The following RASEF variants were observed in gnomAD, a reference collection of about 807,000 sequenced individuals.
The protein encoded by RASEF is RAS and EF-hand domain containing.
Under a neutral mutation model 90.1 loss-of-function variants are expected in RASEF, and 68 were observed. The ratio of observed to expected loss-of-function variants is 0.75; its 90% CI spans 0.62 to 0.92. RASEF has a LOEUF of 0.92. Among genes scored for constraint, RASEF ranks in the 40% least tolerant of loss-of-function variants. RASEF has a pLI of 0.00. For synonymous variants in RASEF, 331 were observed against 345.2 expected (o/e 0.96, Z 0.46); for missense variants, 949 against 937.2 (o/e 1.01, Z -0.16).
At position 82,982,633 on chromosome 9, in the gene RASEF, G is replaced by A; in HGVS notation, c.*44C>T. On this transcript the variant is annotated 3_prime_UTR_variant, in exon 17 of 17. Coordinates refer to ENST00000376447, the MANE Select transcript of RASEF (RefSeq NM_152573.4). ...GAGCCAAATAAGTCACACAAATTCAGTATTCTGGAAATGAAGACTTCACAG... is the reference window on the plus strand; with the variant it reads ...GAGCCAAATAAGTCACACAAATTCAATATTCTGGAAATGAAGACTTCACAG... 9.5e-7 allele frequency: 1 copy of A among 1,053,034 alleles called. No individual in the cohort carries two copies. Among genetic ancestry groups the A allele is most frequent in the Non-Finnish European group, 1.5e-6 (1 of 668,224 alleles). The allele number at this position is 1,053,034 out of a possible 1,614,324, so 65.2% of individuals were successfully genotyped here.
chr9:83,183,908 T>G, the RASEF span, among the ~76,000 whole-genome samples: 1 of 152,172 alleles, frequency 6.6e-6, no homozygotes, highest in Admixed American at 6.5e-5. Context: ...CAGCATGTAT[T>G]AGAATCACCT....
chr9:83,130,165 G>A, the RASEF span, among the ~76,000 whole-genome samples: 2 of 152,116 alleles, frequency 1.3e-5, no homozygotes, highest in African/African-American at 4.8e-5. Flanking sequence ...TTTTACCCCT[G>A]AATCTCAGAT....
chr9:83,100,265 A>C, the RASEF span, among the ~76,000 whole-genome samples: 1 of 152,228 alleles, frequency 6.6e-6, no homozygotes, highest in Non-Finnish European at 1.5e-5. Flanking sequence ...TAAAAAGAAA[A>C]AGAAATATAG....
At chr9:83,079,086 G>A in the RASEF span, among the ~76,000 whole-genome samples, 1 of 152,122 alleles carries the variant, frequency 6.6e-6, no homozygotes, top group Non-Finnish European at 1.5e-5. Context: ...TTTTGCTTTT[G>A]TCGCGATTGC....
the RASEF span, among the ~76,000 whole-genome samples, chr9:83,068,900 T>C: frequency 2.6e-5 from 4 of 152,368 alleles, no homozygotes; most frequent in Admixed American, 2.6e-4. Context: ...CACTGGAAAC[T>C]ATTTGTCATG....
the RASEF span, among the ~76,000 whole-genome samples, chr9:83,204,350 T>C: frequency 1.3e-5 from 2 of 152,174 alleles, no homozygotes; most frequent in African/African-American, 4.8e-5. Context: ...AACATTCAAA[T>C]GGGTATGTCA....
At chr9:83,089,142 T>C in the RASEF span, among the ~76,000 whole-genome samples, 1 of 152,044 alleles carries the variant, frequency 6.6e-6, no homozygotes, top group Non-Finnish European at 1.5e-5. Flanking sequence ...TTCAAATTAA[T>C]ACCAATTTAA....
the RASEF span, among the ~76,000 whole-genome samples, chr9:83,128,498 C>T: frequency 8.7e-4 from 127 of 145,552 alleles, no homozygotes; most frequent in African/African-American, 3.0e-3. Context: ...ACAAACCAAT[C>T]GGCATGCAGT....
the RASEF span, among the ~76,000 whole-genome samples, chr9:83,212,483 G>A: frequency 6.6e-6 from 1 of 152,216 alleles, no homozygotes; most frequent in Non-Finnish European, 1.5e-5. Flanking sequence ...TTACAATTAT[G>A]ATTTGCAATT....
intron 7 of RASEF, among the ~76,000 whole-genome samples, chr9:83,005,974 G>C (rs527768265): frequency 6.6e-6 from 1 of 152,226 alleles, no homozygotes; most frequent in South Asian, 2.1e-4. Flanking sequence ...AAACACTTGG[G>C]TGATGATCTC....
At chr9:83,032,073 C>T (rs945563940) in intron 1 of RASEF, among the ~76,000 whole-genome samples, 1 of 152,128 alleles carries the variant, frequency 6.6e-6, no homozygotes, top group Non-Finnish European at 1.5e-5. Context: ...CTGTGCCTCT[C>T]CTGGGCAGCT....
intron 13 of RASEF, 27 bp from the exon 14 acceptor site, chr9:82,997,153 G>T (rs368576979): frequency 1.5e-6 from 2 of 1,365,944 alleles, no homozygotes; most frequent in African/African-American, 2.9e-5. Flanking sequence ...CACATCATCA[G>T]TCAGTTTGTG....
chr9:82,990,261 T>C (rs1828788036), intron 16 of RASEF, 130 bp downstream of exon 16: 1 of 613,448 alleles, frequency 1.6e-6, no homozygotes, highest in South Asian at 2.3e-5. Context: ...CACATATTTA[T>C]TTCTCCCACC....
chr9:82,984,296 A>C (rs1043686900), intron 16 of RASEF, among the ~76,000 whole-genome samples: 2 of 152,216 alleles, frequency 1.3e-5, no homozygotes, highest in African/African-American at 4.8e-5. Flanking sequence ...GAAGGCCTTC[A>C]AAATCCAGTC....
At chr9:83,059,304 A>ACACACACACACG (rs10688490) in intron 1 of RASEF, among the ~76,000 whole-genome samples, 3 of 147,676 alleles carry the variant, frequency 2.0e-5, no homozygotes, top group African/African-American at 7.6e-5. Context: ...ACACACACAC[A>ACACACACACACG]GCCTATTTCC....
chr9:83,047,117 TG>T (rs1829948855), intron 1 of RASEF, among the ~76,000 whole-genome samples: 1 of 152,124 alleles, frequency 6.6e-6, no homozygotes, highest in Non-Finnish European at 1.5e-5. Flanking sequence ...TGGCTGCTCT[TG>T]GTGTGCACGT....
At chr9:83,015,089 T>C (rs1195741129) in intron 4 of RASEF, among the ~76,000 whole-genome samples, 1 of 152,192 alleles carries the variant, frequency 6.6e-6, no homozygotes, top group Non-Finnish European at 1.5e-5. Context: ...AGATCTGGAA[T>C]TTTCTACTTA....
chr9:83,188,280 G>A, the RASEF span, among the ~76,000 whole-genome samples: 4 of 152,176 alleles, frequency 2.6e-5, no homozygotes, highest in African/African-American at 7.2e-5. Flanking sequence ...CCAGGAAGGT[G>A]TAATGGACTT....
chr9:83,003,218 AC>A (rs201003430), intron 9 of RASEF, among the ~76,000 whole-genome samples: 1 of 151,478 alleles, frequency 6.6e-6, no homozygotes, highest in Non-Finnish European at 1.5e-5. Flanking sequence ...CAAAATAATC[AC>A]CCCCCCACAC....
Sources: gnomAD v4.1 joint callset for allele counts (sites outside exome capture counted in the v4.1 genomes callset) on GRCh38, gnomAD v4.1.1 for gene constraint, MANE v1.5 for transcripts, NCBI Gene and HGNC (gene_info 2026-07-23, HGNC 2026-07-21) for gene names.